Variants in NBEA observed in about 807,000 individuals in gnomAD.
NBEA encodes neurobeachin, also known as lysosomal-trafficking regulator 2.
A neutral mutation model predicts 343.4 loss-of-function variants in NBEA; 44 were observed. The ratio of observed to expected loss-of-function variants is 0.13; its 90% confidence interval spans 0.10 to 0.16. NBEA has a LOEUF of 0.16. Ranked by LOEUF, NBEA falls within the 10% of genes least tolerant of loss-of-function variation. NBEA has a pLI of 1.00. For synonymous variants in NBEA, 1,175 were observed against 1,238.7 expected (o/e 0.95, Z 1.08); for missense variants, 2,555 against 3,631.3 (o/e 0.70, Z 7.62).
intron 1 of NBEA, among the ~76,000 whole-genome samples, chr13:34,967,195 G>T (rs895258168): frequency 6.6e-6 from 1 of 151,810 alleles, no homozygotes; most frequent in Admixed American, 6.6e-5. Context: ...GATTCTAATC[G>T]TGTCTTTGCT....
intron 38 of NBEA, among the ~76,000 whole-genome samples, chr13:35,387,768 G>A (rs765937297): frequency 2.6e-5 from 4 of 152,196 alleles, no homozygotes; most frequent in Admixed American, 6.6e-5. Flanking sequence ...TGATCTAGAT[G>A]GGAGCATTTG....
chr13:35,098,277 T>C lies in NBEA; in HGVS notation c.1572-20T>C, dbSNP rs747219018. Reference sequence around the variant, plus strand: ...TAAACATGTGATGATTACATAATGATGTCTGTACTTTACATGCAGTGCTAC... The same window carrying C: ...TAAACATGTGATGATTACATAATGACGTCTGTACTTTACATGCAGTGCTAC... On this transcript the variant is annotated intron_variant, in intron 10 of 58. Coordinates refer to ENST00000379939, the MANE Select transcript of NBEA (RefSeq NM_001385012.1). 1 of 1,480,286 alleles carries C rather than the reference T, an allele frequency of 6.8e-7. No individual in the cohort carries two copies. The highest frequency in any genetic ancestry group is 9.3e-7 in the Non-Finnish European group (1 of 1,078,498). The allele number at this position is 1,480,286 out of a possible 1,614,324, so 91.7% of individuals were successfully genotyped here.
chr13:35,362,869 G>GC (rs2040889261), intron 38 of NBEA, among the ~76,000 whole-genome samples: 1 of 151,894 alleles, frequency 6.6e-6, no homozygotes, highest in East Asian at 1.9e-4. Context: ...AGGATTATAA[G>GC]CACAAAATAA....
At chr13:34,997,164 A>G (rs2060969456) in intron 1 of NBEA, among the ~76,000 whole-genome samples, 1 of 152,236 alleles carries the variant, frequency 6.6e-6, no homozygotes, top group Non-Finnish European at 1.5e-5. Flanking sequence ...TGAGATAACT[A>G]GATTAACAAC....
intron 41 of NBEA, among the ~76,000 whole-genome samples, chr13:35,495,124 T>A (rs1005538359): frequency 1.3e-5 from 2 of 152,024 alleles, no homozygotes; most frequent in African/African-American, 4.8e-5. Flanking sequence ...CTATGTGTTT[T>A]GACCCAGTTT....
At chr13:35,344,769 C>T (rs1034062036) in intron 36 of NBEA, among the ~76,000 whole-genome samples, 2 of 152,052 alleles carry the variant, frequency 1.3e-5, no homozygotes, top group Admixed American at 6.6e-5. Context: ...AAAATTTCTT[C>T]CTGTAGAGAA....
At chr13:35,288,149 A>G (rs980401363) in intron 34 of NBEA, among the ~76,000 whole-genome samples, 3 of 152,010 alleles carry the variant, frequency 2.0e-5, no homozygotes, top group African/African-American at 4.8e-5. Flanking sequence ...TGAGACGTAC[A>G]CTTGTAAAAT....
At chr13:35,164,891 A>C (rs1197945172) in intron 24 of NBEA, among the ~76,000 whole-genome samples, 1 of 152,204 alleles carries the variant, frequency 6.6e-6, no homozygotes, top group African/African-American at 2.4e-5. Context: ...GTTTCTATAT[A>C]AAACATTGAA....
intron 1 of NBEA, among the ~76,000 whole-genome samples, chr13:34,958,238 G>T (rs182498498): frequency 6.6e-6 from 1 of 151,986 alleles, no homozygotes; most frequent in African/African-American, 2.4e-5. Flanking sequence ...TTCTAACTGA[G>T]GTAAGTCAGT....
intron 1 of NBEA, among the ~76,000 whole-genome samples, chr13:34,992,059 T>A (rs1230591991): frequency 6.6e-6 from 1 of 151,290 alleles, no homozygotes; most frequent in Non-Finnish European, 1.5e-5. Context: ...CTCTGCCTTT[T>A]TTTTAAGCTT....
chr13:35,246,689 C>T (rs1178347907), intron 34 of NBEA, among the ~76,000 whole-genome samples: 1 of 152,118 alleles, frequency 6.6e-6, no homozygotes, highest in Non-Finnish European at 1.5e-5. Context: ...ATGAAGGTGG[C>T]AGGGGAGTGA....
At chr13:35,667,315 A>AGCTAGTATGTC in intron 56 of NBEA, 59 bp from the exon 57 acceptor site, 1 of 1,415,266 alleles carries the variant, frequency 7.1e-7, no homozygotes, top group Non-Finnish European at 9.9e-7. Context: ...GGTTGGTGGG[A>AGCTAGTATGTC]GCTAGTATGT....
intron 40 of NBEA, among the ~76,000 whole-genome samples, chr13:35,472,167 T>G (rs2075679681): frequency 6.6e-6 from 1 of 152,250 alleles, no homozygotes; most frequent in Admixed American, 6.5e-5. Flanking sequence ...TGAGCGTTAT[T>G]CGGTATCCTG....
Position 35,505,527 on chromosome 13 carries a change from G to A in NBEA, c.6585+32991G>A, listed in dbSNP as rs551697998. ...CTCTTCATTTTTTCATGTAATGAGC[G>A]TAAATACGGACTTTTTAACTGTTAT... On this transcript the variant is annotated intron_variant, in intron 41 of 58. Transcript: ENST00000379939. Among the ~76,000 whole-genome samples the A allele has an allele frequency of 1.4e-4, 22 of 152,252 alleles. 1 individual carries two copies. The highest frequency in any genetic ancestry group is 5.2e-4 in the Admixed American group (8 of 15,288).
intron 41 of NBEA, among the ~76,000 whole-genome samples, chr13:35,504,650 T>TAGA (rs2077006322): frequency 6.6e-6 from 1 of 152,178 alleles, no homozygotes; most frequent in Non-Finnish European, 1.5e-5. Flanking sequence ...TTTCCTCTTT[T>TAGA]GATACACGGT....
chr13:35,090,397 A>G (rs1050858793), intron 10 of NBEA, among the ~76,000 whole-genome samples: 1 of 151,958 alleles, frequency 6.6e-6, no homozygotes, highest in African/African-American at 2.4e-5. Flanking sequence ...TGTCTTCTGT[A>G]TACACACGAA....
intron 31 of NBEA, among the ~76,000 whole-genome samples, chr13:35,200,587 A>G (rs2072952957): frequency 6.6e-6 from 1 of 151,916 alleles, no homozygotes; most frequent in Non-Finnish European, 1.5e-5. Context: ...TGGCTAACAG[A>G]CCTCAAACTT....
At position 35,671,105 on chromosome 13, in the gene NBEA, A is replaced by G; in HGVS notation, c.*114A>G. On this transcript the variant is annotated 3_prime_UTR_variant, in exon 59 of 59. Coordinates refer to ENST00000379939, the MANE Select transcript of NBEA (RefSeq NM_001385012.1). ...ACATCGACCTCCGTTTGTACATTCCATCACACCCAGCAATAGCTGTACATT... is the reference window on the plus strand; with the variant it reads ...ACATCGACCTCCGTTTGTACATTCCGTCACACCCAGCAATAGCTGTACATT... 1 of 685,282 alleles carries G rather than the reference A, an allele frequency of 1.5e-6. No homozygotes were observed. The highest frequency in any genetic ancestry group is 2.7e-5 in the East Asian group (1 of 36,870). The allele number at this position is 685,282 out of a possible 1,614,324, so 42.5% of individuals were successfully genotyped here. A position where few individuals can be genotyped will look rare whatever the true frequency, so the allele number is the denominator to read the frequency against.
chr13:35,209,320 CG>C (rs1279693900), intron 32 of NBEA, among the ~76,000 whole-genome samples: 1 of 152,124 alleles, frequency 6.6e-6, no homozygotes, highest in Non-Finnish European at 1.5e-5. Flanking sequence ...AGAACCTTGA[CG>C]ATATGCAAGC....
Sources: gnomAD v4.1 joint callset for allele counts (sites outside exome capture counted in the v4.1 genomes callset) on GRCh38, gnomAD v4.1.1 for gene constraint, MANE v1.5 for transcripts, NCBI Gene and HGNC (gene_info 2026-07-23, HGNC 2026-07-21) for gene names.